ETNK2: variants seen among roughly 807,000 people sequenced by gnomAD.
ETNK2 encodes ethanolamine kinase 2.
ETNK2 carries 33 observed loss-of-function variants against 46.2 expected under a neutral mutation model. The observed-to-expected ratio is 0.71, with a 90% CI of 0.54 to 0.96. ETNK2 has a LOEUF of 0.96. Ranked by LOEUF, ETNK2 falls within the 40% of genes least tolerant of loss-of-function variation. ETNK2 has a pLI of 0.00. For synonymous variants in ETNK2, 194 were observed against 209.0 expected (o/e 0.93, Z 0.62); for missense variants, 445 against 509.7 (o/e 0.87, Z 1.22).
chr1:204,135,042 G>A (rs1657229521), intron 6 of ETNK2, among the ~76,000 whole-genome samples: 1 of 152,182 alleles, frequency 6.6e-6, no homozygotes, highest in Non-Finnish European at 1.5e-5. Context: ...GGAAGGTGCA[G>A]GGAAGGAAGA....
At chr1:204,148,504 T>G (rs1447369508) in intron 2 of ETNK2, among the ~76,000 whole-genome samples, 2 of 151,936 alleles carry the variant, frequency 1.3e-5, no homozygotes, top group East Asian at 3.9e-4. Context: ...TGGGTCCTTT[T>G]GGAACTGTTC....
chr1:204,146,473 T>C (rs1469340417), intron 3 of ETNK2, among the ~76,000 whole-genome samples, 169 bp downstream of exon 3: 1 of 152,088 alleles, frequency 6.6e-6, no homozygotes, highest in Non-Finnish European at 1.5e-5. Flanking sequence ...CCAACTCTGC[T>C]TGGAGACAGA....
Position 204,151,936 on chromosome 1 carries a change from A to C in ETNK2, c.-84T>G, listed in dbSNP as rs1375192192. On this transcript the variant is annotated 5_prime_UTR_variant, in exon 1 of 8. Transcript: ENST00000367202. The surrounding 1 kb of genome is among the most constrained non-coding windows in gnomAD (Gnocchi z 8.0). Reference sequence around the variant, plus strand: ...GGCGAGGGAGTGGGAGTGGTAGAGGAGGGGCCAGGGGAAGTCCATGACTCA... The same window carrying C: ...GGCGAGGGAGTGGGAGTGGTAGAGGCGGGGCCAGGGGAAGTCCATGACTCA... The C allele has an allele frequency of 2.2e-6, 3 of 1,339,462 alleles. No individual in the cohort carries two copies. The highest frequency in any genetic ancestry group is 2.9e-6 in the Non-Finnish European group (3 of 1,037,642). 83.0% of individuals were successfully genotyped at this position (1,339,462 alleles called of 1,614,324 possible). A position where few individuals can be genotyped will look rare whatever the true frequency, so the allele number is the denominator to read the frequency against.
At chr1:204,137,336 T>G in intron 5 of ETNK2, 87 bp from the exon 6 acceptor site, 1 of 1,473,568 alleles carries the variant, frequency 6.8e-7, no homozygotes, top group Non-Finnish European at 9.1e-7. Flanking sequence ...CCATCTCCCC[T>G]CAAACTCCCA....
intron 3 of ETNK2, among the ~76,000 whole-genome samples, chr1:204,145,914 G>A (rs1372214564): frequency 6.6e-6 from 1 of 152,164 alleles, no homozygotes; most frequent in African/African-American, 2.4e-5. Context: ...GTGTTGGGGA[G>A]TCAGGCGTCT....
chr1:204,151,794 G>A lies in ETNK2; in HGVS notation c.59C>T (p.Thr20Met). The A allele has an allele frequency of 6.7e-7, 1 of 1,501,228 alleles. No homozygotes were observed. Among genetic ancestry groups the A allele is most frequent in the Non-Finnish European group, 8.9e-7 (1 of 1,128,096 alleles). 93.0% of individuals were successfully genotyped at this position (1,501,228 alleles called of 1,614,324 possible). The part of the protein sequence containing the change: ...PRASFHLRRH[T>M]PCPQCSWGME... ...GCCCCATGAGCACTGCGGGCAAGGCGTGTGCCTCCTCAGGTGAAAGGACGC... is the reference window on the plus strand; with the variant it reads ...GCCCCATGAGCACTGCGGGCAAGGCATGTGCCTCCTCAGGTGAAAGGACGC... Residue 20 changes from threonine (T) to methionine (M), a missense_variant, in exon 1 of 8, where the codon ACG becomes ATG. Coordinates refer to ENST00000367202, the MANE Select transcript of ETNK2 (RefSeq NM_018208.4). The surrounding 1 kb of genome is among the most constrained non-coding windows in gnomAD (Gnocchi z 8.0).
At chr1:204,150,310 A>G (rs1657956847) in intron 1 of ETNK2, among the ~76,000 whole-genome samples, 1 of 152,182 alleles carries the variant, frequency 6.6e-6, no homozygotes, top group South Asian at 2.1e-4. Context: ...ACGGAAAGAA[A>G]CATCATGGAC....
At chr1:204,149,443 C>T (rs549884930) in intron 2 of ETNK2, among the ~76,000 whole-genome samples, 1 of 152,318 alleles carries the variant, frequency 6.6e-6, no homozygotes, top group South Asian at 2.1e-4. Context: ...GGAAGCAGAT[C>T]TCTGCCGCAC....
In ETNK2 at chr1:204,146,586, G is replaced by C; in HGVS notation, c.641+56C>G. 1.2e-6 allele frequency: 2 copies of C among 1,605,934 alleles called. 1 individual carries two copies. On this transcript the variant is annotated intron_variant, in intron 3 of 7. Transcript: ENST00000367202. ...CTAGCAGGGTGGGCTGGAGCCAAAA[G>C]GATGGGGAAGGGAGATCATATTAAG...
chr1:204,139,611 C>T (rs903457841), intron 5 of ETNK2, among the ~76,000 whole-genome samples: 20 of 152,310 alleles, frequency 1.3e-4, no homozygotes, highest in Non-Finnish European at 1.5e-5. Context: ...TTCCCCATAC[C>T]CTGGCCCTGG....
Position 204,145,931 on chromosome 1 carries a change from T to C in ETNK2, c.641+711A>G, listed in dbSNP as rs905331388. On this transcript the variant is annotated intron_variant, in intron 3 of 7. Transcript: ENST00000367202. ...GTTGGGGAGTCAGGCGTCTAAAGGC[T>C]TGGAGGACTCTCAGGTTGCTGGTCA... is the stretch of plus-strand genomic sequence containing the variant. Among the ~76,000 whole-genome samples the C allele has an allele frequency of 2.6e-5, 4 of 152,212 alleles. 1 individual carries two copies. The highest frequency in any genetic ancestry group is 1.3e-4 in the Admixed American group (2 of 15,300).
Position 204,141,534 on chromosome 1 carries a change from G to T in ETNK2, c.642-77C>A, listed in dbSNP as rs758185107. 1.4e-6 allele frequency: 2 copies of T among 1,478,288 alleles called. 1 individual carries two copies. The highest frequency in any genetic ancestry group is 1.8e-6 in the Non-Finnish European group (2 of 1,094,138). The allele number at this position is 1,478,288 out of a possible 1,614,324, so 91.6% of individuals were successfully genotyped here. A position where few individuals can be genotyped will look rare whatever the true frequency, so the allele number is the denominator to read the frequency against. ...GCTTGGCCTCAAGAGCCCTGAATCT[G>T]AGCCTCATCACTCCCTCTGTCTTAC... On this transcript the variant is annotated intron_variant, in intron 3 of 7. Coordinates refer to ENST00000367202, the MANE Select transcript of ETNK2 (RefSeq NM_018208.4).
intron 5 of ETNK2, 74 bp from the exon 6 acceptor site, chr1:204,137,323 T>C (rs1657329635): frequency 1.3e-6 from 2 of 1,526,586 alleles, no homozygotes; most frequent in Non-Finnish European, 1.8e-6. Context: ...TCAGTAGGTG[T>C]TCCCATCTCC....
chr1:204,144,348 A>AAAAAAAAAAAAAAAAT (rs1657692609), intron 3 of ETNK2, among the ~76,000 whole-genome samples: 1 of 142,090 alleles, frequency 7.0e-6, no homozygotes, highest in African/African-American at 2.6e-5. Flanking sequence ...TCCATCTCAA[A>AAAAAAAAAAAAAAAAT]AAAAAAAAAA....
rs1229067922 is a variant in ETNK2, at chr1:204,151,883, G to A, written c.-31C>T. The A allele has an allele frequency of 1.4e-6, 2 of 1,415,620 alleles. No individual in the cohort carries two copies. The highest frequency in any genetic ancestry group is 1.5e-5 in the African/African-American group (1 of 65,524). 87.7% of individuals were successfully genotyped at this position (1,415,620 alleles called of 1,614,324 possible). The stretch of plus-strand genomic sequence containing the variant: ...GCAGCCCCACCCCCTCGGAGCCGCG[G>A]CAGACGCTAGCCCCGGCGGGGGGGT... On this transcript the variant is annotated 5_prime_UTR_variant, in exon 1 of 8. Coordinates refer to ENST00000367202, the MANE Select transcript of ETNK2 (RefSeq NM_018208.4). This position sits in a 1 kb window ranked among gnomAD's most constrained non-coding sequence, Gnocchi z 8.0.
chr1:204,151,159 T>C lies in ETNK2; in HGVS notation c.258+436A>G, dbSNP rs1295052526. 4.9e-6 allele frequency: 1 copy of C among 204,914 alleles called. No individual in the cohort carries two copies. The highest frequency in any genetic ancestry group is 2.3e-4 in the East Asian group (1 of 4,434). 12.7% of individuals were successfully genotyped at this position (204,914 alleles called of 1,614,324 possible). ...GCAGCTCAGAGCCTGGAGGATTTGCTCCCACCATGGGGTGGAGAAGGGGCA... is the reference window on the plus strand; with the variant it reads ...GCAGCTCAGAGCCTGGAGGATTTGCCCCCACCATGGGGTGGAGAAGGGGCA... On this transcript the variant is annotated intron_variant, in intron 1 of 7. Coordinates refer to ENST00000367202, the MANE Select transcript of ETNK2 (RefSeq NM_018208.4). This position sits in a 1 kb window ranked among gnomAD's most constrained non-coding sequence, Gnocchi z 8.0.
chr1:204,142,340 C>A (rs1000816405), intron 3 of ETNK2: 3 of 152,310 alleles, frequency 2.0e-5, no homozygotes, highest in African/African-American at 7.2e-5. Context: ...CATGGGTCAA[C>A]CTCTCCTGCT....
intron 1 of ETNK2, among the ~76,000 whole-genome samples, chr1:204,150,713 C>A (rs1657969621): frequency 1.3e-5 from 2 of 152,138 alleles, no homozygotes; most frequent in African/African-American, 4.8e-5. Flanking sequence ...TAACCTCAGG[C>A]CTGCTTGATG....
chr1:204,145,977 A>T (rs1657763902), intron 3 of ETNK2, among the ~76,000 whole-genome samples: 1 of 152,190 alleles, frequency 6.6e-6, no homozygotes, highest in Admixed American at 6.5e-5. Context: ...GGGAAAACTC[A>T]GGGAACCCTG....
Sources: gnomAD v4.1 joint callset for allele counts (sites outside exome capture counted in the v4.1 genomes callset) on GRCh38, gnomAD v4.1.1 for gene constraint, Gnocchi (gnomAD v3.1) non-coding constraint, MANE v1.5 for transcripts, NCBI Gene and HGNC (gene_info 2026-07-23, HGNC 2026-07-21) for gene names.